B4GALT1: variants seen among roughly 807,000 people sequenced by gnomAD.
The protein encoded by B4GALT1 is N-acetyllactosamine synthase.
B4GALT1 carries 16 observed loss-of-function variants against 34.9 expected under a neutral mutation model. That is an observed-to-expected ratio of 0.46 (90% CI 0.31 to 0.70). The LOEUF is 0.70. Among genes scored for constraint, B4GALT1 ranks in the 30% least tolerant of loss-of-function variants. The pLI is 0.05. For missense variants in B4GALT1, 445 were observed against 530.5 expected (o/e 0.84, Z 1.58); for synonymous variants, 221 against 218.1 (o/e 1.01, Z -0.12).
At chr9:33,161,334 C>T (rs1291509264) in intron 1 of B4GALT1, among the ~76,000 whole-genome samples, 3 of 152,142 alleles carry the variant, frequency 2.0e-5, no homozygotes, top group African/African-American at 7.2e-5. Flanking sequence ...CCCTGTCCCC[C>T]ACCCCCAAGC....
chr9:33,133,863 G>A (rs1287114337), intron 2 of B4GALT1, among the ~76,000 whole-genome samples: 1 of 152,140 alleles, frequency 6.6e-6, no homozygotes, highest in Non-Finnish European at 1.5e-5. Context: ...TCAATTTCCA[G>A]GAACATGCAA....
rs149038893 is a variant in B4GALT1, at chr9:33,117,573, C to T, written c.837-1460G>A. 6.9e-3 allele frequency among the ~76,000 whole-genome samples: 1,052 copies of T among 152,272 alleles called. 15 individuals are homozygous for T. Among genetic ancestry groups the T allele is most frequent in the African/African-American group, 0.024 (1,007 of 41,536 alleles). The stretch of plus-strand genomic sequence containing the variant: ...CTTTCTGGAATCCAAAAAGACCAAA[C>T]CCATCACATAAATTAAGGAAAACTC... On this transcript the variant is annotated intron_variant, in intron 3 of 5. Coordinates refer to ENST00000379731, the MANE Select transcript of B4GALT1 (RefSeq NM_001497.4).
At chr9:33,110,276 T>C (rs764020165), downstream of B4GALT1, among the ~76,000 whole-genome samples, 5 of 152,092 alleles carry the variant, frequency 3.3e-5, no homozygotes, top group Non-Finnish European at 5.9e-5. Context: ...TGTGAGCACC[T>C]GGTGCAAATG....
chr9:33,167,493 C>T (rs1411643079), upstream of B4GALT1: 2 of 191,734 alleles, frequency 1.0e-5, no homozygotes, highest in African/African-American at 2.3e-5. Flanking sequence ...GGAGGGTGGG[C>T]AGCGGGCGGG....
the B4GALT1 span, among the ~76,000 whole-genome samples, chr9:33,175,761 AC>A: frequency 6.6e-6 from 1 of 152,204 alleles, no homozygotes; most frequent in Non-Finnish European, 1.5e-5. Flanking sequence ...ATACCATATA[AC>A]CTAGATGTGT....
intron 2 of B4GALT1, among the ~76,000 whole-genome samples, chr9:33,121,186 C>A (rs1840015448): frequency 6.6e-6 from 1 of 152,110 alleles, no homozygotes; most frequent in Non-Finnish European, 1.5e-5. Flanking sequence ...AGAAATACAG[C>A]AAACCCAACT....
chr9:33,178,805 G>A, the B4GALT1 span: 3 of 152,330 alleles, frequency 2.0e-5, no homozygotes, highest in Non-Finnish European at 4.4e-5. Context: ...ATAACTAATT[G>A]CTAATTAGTT....
chr9:33,160,233 T>G (rs1355411870), intron 1 of B4GALT1, among the ~76,000 whole-genome samples: 1 of 150,968 alleles, frequency 6.6e-6, no homozygotes. Flanking sequence ...CATAAAGCTT[T>G]CTGCACAAGC....
At chr9:33,183,638 G>A in the B4GALT1 span, among the ~76,000 whole-genome samples, 2 of 102,198 alleles carry the variant, frequency 2.0e-5, no homozygotes, top group Non-Finnish European at 3.9e-5. Context: ...GTTGTGGGGT[G>A]GGGGGAGGGG....
chr9:33,143,811 A>C (rs1036001658), intron 1 of B4GALT1, among the ~76,000 whole-genome samples: 1 of 152,188 alleles, frequency 6.6e-6, no homozygotes, highest in Non-Finnish European at 1.5e-5. Flanking sequence ...AAAATGTGTA[A>C]CATGTTTTGC....
intron 3 of B4GALT1, 68 bp from the exon 4 acceptor site, chr9:33,116,181 T>C (rs1839935004): frequency 3.2e-6 from 5 of 1,568,980 alleles, no homozygotes; most frequent in Non-Finnish European, 4.4e-6. Flanking sequence ...AAAATAAAGC[T>C]TGCTGAGAAC....
chr9:33,163,886 C>A lies in B4GALT1; in HGVS notation c.412+2872G>T, dbSNP rs182058869. 9.9e-5 allele frequency among the ~76,000 whole-genome samples: 15 copies of A among 152,284 alleles called. No homozygotes were observed. The East Asian group carries it at 2.1e-3, about 22-fold the overall frequency. On this transcript the variant is annotated intron_variant, in intron 1 of 5. Transcript: ENST00000379731. Reference sequence around the variant, plus strand: ...GCTGTAGAATCCTCAGGAAAGGCCCCCCTTCCCACTGCATCACTCACTCCT... The same window carrying A: ...GCTGTAGAATCCTCAGGAAAGGCCCACCTTCCCACTGCATCACTCACTCCT...
chr9:33,125,169 C>T (rs773749080), intron 2 of B4GALT1, among the ~76,000 whole-genome samples: 6 of 152,120 alleles, frequency 3.9e-5, no homozygotes, highest in Non-Finnish European at 8.8e-5. Context: ...CTGGAGACAG[C>T]AGACAGAATC....
intron 1 of B4GALT1, among the ~76,000 whole-genome samples, chr9:33,154,020 A>G (rs1234669139): frequency 3.6e-5 from 3 of 82,948 alleles, no homozygotes; most frequent in Non-Finnish European, 4.4e-5. Flanking sequence ...AGAGAGAGAG[A>G]GGAAGGAAGG....
At chr9:33,166,040 G>C (rs1840746625) in intron 1 of B4GALT1, among the ~76,000 whole-genome samples, 2 of 152,144 alleles carry the variant, frequency 1.3e-5, no homozygotes, top group Non-Finnish European at 2.9e-5. Context: ...GCTCACCTAG[G>C]TTTTGGGTAC....
At chr9:33,163,435 A>G (rs1331209326) in intron 1 of B4GALT1, among the ~76,000 whole-genome samples, 2 of 152,180 alleles carry the variant, frequency 1.3e-5, no homozygotes, top group Non-Finnish European at 2.9e-5. Context: ...GGTGGGCAAG[A>G]GCGGCCTCTG....
At chr9:33,176,258 T>C in the B4GALT1 span, among the ~76,000 whole-genome samples, 2 of 152,242 alleles carry the variant, frequency 1.3e-5, no homozygotes, top group Non-Finnish European at 2.9e-5. Context: ...CTTTTCATGT[T>C]GAACTATCTT....
At chr9:33,115,079 C>T (rs912111746) in intron 4 of B4GALT1, among the ~76,000 whole-genome samples, 4 of 152,378 alleles carry the variant, frequency 2.6e-5, no homozygotes, top group African/African-American at 7.2e-5. Flanking sequence ...GCACAGTGCT[C>T]TGTATGCAGC....
At chr9:33,153,968 G>A (rs1326459353) in intron 1 of B4GALT1, among the ~76,000 whole-genome samples, 1 of 147,292 alleles carries the variant, frequency 6.8e-6, no homozygotes, top group Non-Finnish European at 1.5e-5. Context: ...AAGGGAAGGG[G>A]AGGGGAGAGG....
Sources: allele counts gnomAD v4.1 joint callset (sites outside exome capture counted in the v4.1 genomes callset), GRCh38; gene constraint gnomAD v4.1.1; transcripts MANE v1.5; gene names NCBI Gene and HGNC (gene_info 2026-07-23, HGNC 2026-07-21).